The following PACRGL variants were observed in gnomAD, a reference collection of about 807,000 sequenced individuals.
The protein encoded by PACRGL is PACRG-like protein.
A neutral mutation model predicts 34.5 loss-of-function variants in PACRGL; 38 were observed. The observed-to-expected ratio is 1.10, with a 90% CI of 0.85 to 1.44. PACRGL has a LOEUF of 1.44. PACRGL is among the 40% of genes most tolerant of loss of function. The pLI is 0.00. For synonymous variants in PACRGL, 128 were observed against 100.1 expected (o/e 1.28, Z -1.66); for missense variants, 305 against 281.4 (o/e 1.08, Z -0.60).
intron 7 of PACRGL, among the ~76,000 whole-genome samples, chr4:20,719,307 G>C (rs1388149312): frequency 2.0e-5 from 3 of 152,058 alleles, no homozygotes; most frequent in Non-Finnish European, 1.5e-5. Context: ...TTTTTGAAGG[G>C]TGTTTTGTGT....
intron 1 of PACRGL, among the ~76,000 whole-genome samples, chr4:20,703,620 G>A (rs1733275264): frequency 6.6e-6 from 1 of 152,040 alleles, no homozygotes; most frequent in Non-Finnish European, 1.5e-5. Flanking sequence ...AAAAGCAACT[G>A]TGTAAGGGAA....
Position 20,712,799 on chromosome 4 carries a change from G to C in PACRGL, c.378G>C (p.Glu126Asp). The stretch of plus-strand genomic sequence containing the variant: ...TTGGTCTTTGTCAGGGTCTGAGAGA[G>C]ACTAAGCATCCATACACTTTTGTGT... ...LLITLAEGLR[E>D]TKHPYTFVSK... Residue 126 changes from glutamate to aspartate, a missense_variant, in exon 6 of 9, where the codon GAG becomes GAC. Glu to Asp is a conservative substitution (Grantham distance 45, BLOSUM62 2). Transcript: ENST00000503585. 6.4e-7 allele frequency: 1 copy of C among 1,571,140 alleles called. No individual in the cohort carries two copies. Among genetic ancestry groups the C allele is most frequent in the Non-Finnish European group, 8.7e-7 (1 of 1,155,402 alleles).
At chr4:20,705,617 G>A (rs2149053635) in intron 3 of PACRGL, among the ~76,000 whole-genome samples, 1 of 152,162 alleles carries the variant, frequency 6.6e-6, no homozygotes, top group East Asian at 1.9e-4. Flanking sequence ...TAATAATCTT[G>A]TTGCTCTCAC....
At chr4:20,749,262 A>C (rs886815225) in intron 8 of PACRGL, among the ~76,000 whole-genome samples, 3 of 151,948 alleles carry the variant, frequency 2.0e-5, no homozygotes, top group Admixed American at 2.0e-4. Context: ...CTTTTTCTAC[A>C]TTTAATTTCT....
At chr4:20,704,371 G>C in intron 1 of PACRGL, 95 bp from the exon 2 acceptor site, 1 of 1,133,444 alleles carries the variant, frequency 8.8e-7, no homozygotes, top group Non-Finnish European at 1.3e-6. Context: ...GTCTTTTACT[G>C]TATTGTATAC....
At chr4:20,714,959 A>G (rs941534669) in intron 7 of PACRGL, among the ~76,000 whole-genome samples, 3 of 152,204 alleles carry the variant, frequency 2.0e-5, no homozygotes, top group Non-Finnish European at 4.4e-5. Flanking sequence ...ATGCTGCTAT[A>G]AAGACACATG....
intron 4 of PACRGL, among the ~76,000 whole-genome samples, 197 bp downstream of exon 4, chr4:20,708,067 A>G (rs1377897151): frequency 2.0e-5 from 3 of 152,210 alleles, no homozygotes; most frequent in Admixed American, 1.3e-4. Flanking sequence ...TCCAAAATAC[A>G]GTTATTGGGA....
At chr4:20,752,445 A>G (rs1753826874) in intron 8 of PACRGL, 1 of 152,214 alleles carries the variant, frequency 6.6e-6, no homozygotes, top group Non-Finnish European at 1.5e-5. Flanking sequence ...ATTTCAGTAA[A>G]TATTAGCTAT....
intron 8 of PACRGL, 26 bp downstream of exon 8, chr4:20,724,914 CTT>C: frequency 8.2e-7 from 1 of 1,222,686 alleles, no homozygotes. Context: ...TTCCTTAAGT[CTT>C]TTTTTTTAAC....
At chr4:20,725,817 G>A (rs1745397369) in intron 8 of PACRGL, among the ~76,000 whole-genome samples, 1 of 151,500 alleles carries the variant, frequency 6.6e-6, no homozygotes, top group Admixed American at 6.6e-5. Flanking sequence ...GAGGAAGTAA[G>A]TGTCTAAGCC....
At chr4:20,719,483 C>T (rs879726267) in intron 7 of PACRGL, among the ~76,000 whole-genome samples, 5 of 152,152 alleles carry the variant, frequency 3.3e-5, no homozygotes, top group Admixed American at 3.3e-4. Context: ...ATAAATTTCC[C>T]TCTACACACT....
chr4:20,717,711 G>T (rs976524929), intron 7 of PACRGL, among the ~76,000 whole-genome samples: 1 of 152,196 alleles, frequency 6.6e-6, no homozygotes, highest in African/African-American at 2.4e-5. Context: ...TTAGGTACCA[G>T]TACCATGCTG....
At chr4:20,739,225 G>A (rs1389808355) in intron 8 of PACRGL, among the ~76,000 whole-genome samples, 2 of 152,228 alleles carry the variant, frequency 1.3e-5, no homozygotes, top group East Asian at 3.9e-4. Context: ...TGACAGCTTT[G>A]AAGAGAGTAG....
chr4:20,704,050 G>C (rs1474752652), intron 1 of PACRGL, among the ~76,000 whole-genome samples: 1 of 152,178 alleles, frequency 6.6e-6, no homozygotes, highest in Non-Finnish European at 1.5e-5. Flanking sequence ...TGGAAAAGTA[G>C]AGCTTGATGT....
intron 8 of PACRGL, among the ~76,000 whole-genome samples, chr4:20,746,549 T>C (rs1752468428): frequency 6.6e-6 from 1 of 152,206 alleles, no homozygotes; most frequent in South Asian, 2.1e-4. Flanking sequence ...AACTGATAAC[T>C]GCTATAGTTA....
intron 5 of PACRGL, among the ~76,000 whole-genome samples, chr4:20,711,575 G>A (rs17552568): frequency 0.029 from 4,463 of 151,568 alleles, 80 homozygotes; most frequent in South Asian, 0.089. Context: ...CAGATATTTA[G>A]GTCTGAAGGA....
At chr4:20,722,131 A>G (rs1276790717) in intron 7 of PACRGL, among the ~76,000 whole-genome samples, 1 of 152,262 alleles carries the variant, frequency 6.6e-6, no homozygotes, top group Non-Finnish European at 1.5e-5. Context: ...AGCCAGGCAC[A>G]GGATATAATC....
At chr4:20,699,275 C>A (rs1211472419), upstream of PACRGL, among the ~76,000 whole-genome samples, 2 of 151,912 alleles carry the variant, frequency 1.3e-5, no homozygotes, top group African/African-American at 4.8e-5. Flanking sequence ...GTTAAGCATG[C>A]ATTGCGCTAG....
intron 7 of PACRGL, among the ~76,000 whole-genome samples, chr4:20,720,767 T>C (rs1023663875): frequency 2.0e-5 from 3 of 152,138 alleles, no homozygotes; most frequent in Non-Finnish European, 4.4e-5. Context: ...ATTTTTTCCT[T>C]CATTTCAACC....
Sources: allele counts gnomAD v4.1 joint callset (sites outside exome capture counted in the v4.1 genomes callset), GRCh38; gene constraint gnomAD v4.1.1; transcripts MANE v1.5; gene names NCBI Gene and HGNC (gene_info 2026-07-23, HGNC 2026-07-21).